The following TMEM232 variants were observed in gnomAD, a reference collection of about 807,000 sequenced individuals.
TMEM232 encodes transmembrane protein 232.
Under a neutral mutation model 78.8 loss-of-function variants are expected in TMEM232, and 80 were observed. That is an observed-to-expected ratio of 1.01 (90% CI 0.85 to 1.22). The LOEUF is 1.22. Among genes scored for constraint, TMEM232 ranks in the 50% most tolerant of loss-of-function variants. The pLI, the probability that TMEM232 is intolerant of heterozygous loss-of-function variation, is 0.00. For missense variants in TMEM232, 881 were observed against 742.2 expected, an observed-to-expected ratio of 1.19 and a Z score of -2.17; for synonymous variants, 297 against 254.3, an observed-to-expected ratio of 1.17 and a Z score of -1.60.
At chr5:110,565,180 C>A (rs773561742) in intron 11 of TMEM232, among the ~76,000 whole-genome samples, 1 of 151,952 alleles carries the variant, frequency 6.6e-6, no homozygotes, top group East Asian at 1.9e-4. Flanking sequence ...AATAATAAAT[C>A]ATAATCTCTA....
intron 1 of TMEM232, among the ~76,000 whole-genome samples, chr5:110,719,918 C>T (rs1797419665): frequency 6.6e-6 from 1 of 152,074 alleles, no homozygotes; most frequent in Non-Finnish European, 1.5e-5. Context: ...ATAAATTGCT[C>T]AGCAGTCTGA....
intron 5 of TMEM232, chr5:110,628,999 C>G (rs369750176): frequency 6.6e-6 from 1 of 151,870 alleles, no homozygotes; most frequent in South Asian, 2.1e-4. Context: ...TATAAACATA[C>G]ACCATTTGTA....
intron 12 of TMEM232, among the ~76,000 whole-genome samples, chr5:110,491,206 A>G (rs1561562798): frequency 6.6e-6 from 1 of 151,534 alleles, no homozygotes. Flanking sequence ...CATGGTCCAT[A>G]TGAACATAAA....
At chr5:110,514,695 A>G (rs2149481744) in intron 12 of TMEM232, among the ~76,000 whole-genome samples, 1 of 152,266 alleles carries the variant, frequency 6.6e-6, no homozygotes, top group East Asian at 1.9e-4. Flanking sequence ...GAAACAGAAC[A>G]AGACAGATTG....
intron 12 of TMEM232, among the ~76,000 whole-genome samples, chr5:110,513,580 A>G (rs1768119901): frequency 6.6e-6 from 1 of 152,148 alleles, no homozygotes. Context: ...ACAGACAAGT[A>G]TACGAAAATG....
chr5:110,727,408 G>C (rs975467802), upstream of TMEM232, among the ~76,000 whole-genome samples: 2 of 152,126 alleles, frequency 1.3e-5, no homozygotes, highest in Non-Finnish European at 2.9e-5. Context: ...TCAGGAGTTC[G>C]AGACCATCCT....
intron 13 of TMEM232, among the ~76,000 whole-genome samples, chr5:110,420,977 CAAA>C (rs10537246): frequency 7.8e-5 from 11 of 140,368 alleles, no homozygotes; most frequent in East Asian, 4.1e-4. Flanking sequence ...TATTTAAAGA[CAAA>C]AAAAAAAACA....
intron 2 of TMEM232, among the ~76,000 whole-genome samples, chr5:110,405,556 G>T (rs1232319627): frequency 2.6e-5 from 4 of 151,624 alleles, no homozygotes; most frequent in Non-Finnish European, 5.9e-5. Context: ...ATGAACTATT[G>T]TGGGAGAGAA....
intron 7 of TMEM232, among the ~76,000 whole-genome samples, chr5:110,621,517 T>C (rs1210859393): frequency 1.3e-5 from 2 of 152,338 alleles, no homozygotes; most frequent in East Asian, 3.9e-4. Context: ...TTTTCTATTT[T>C]AGTTTTCAGT....
intron 10 of TMEM232, among the ~76,000 whole-genome samples, chr5:110,571,725 G>C (rs927611005): frequency 2.0e-5 from 3 of 151,340 alleles, no homozygotes; most frequent in Non-Finnish European, 4.4e-5. Context: ...GGGCATAGTG[G>C]TGCACATCTG....
chr5:110,674,712 T>A (rs192253557), intron 1 of TMEM232, among the ~76,000 whole-genome samples: 1 of 152,206 alleles, frequency 6.6e-6, no homozygotes, highest in African/African-American at 2.4e-5. Context: ...AGACTACACA[T>A]CAGAGATTTC....
At chr5:110,611,019 G>A (rs1782208505) in intron 8 of TMEM232, among the ~76,000 whole-genome samples, 1 of 152,024 alleles carries the variant, frequency 6.6e-6, no homozygotes, top group Non-Finnish European at 1.5e-5. Flanking sequence ...CTGCAGGTGA[G>A]TAGAAGAAAA....
chr5:110,473,546 A>T (rs902353085), intron 12 of TMEM232, among the ~76,000 whole-genome samples: 1 of 151,652 alleles, frequency 6.6e-6, no homozygotes, highest in East Asian at 1.9e-4. Context: ...GAAAATAATA[A>T]ATGTATACAC....
At chr5:110,639,333 A>T (rs960548310) in intron 4 of TMEM232, among the ~76,000 whole-genome samples, 2 of 152,216 alleles carry the variant, frequency 1.3e-5, no homozygotes, top group African/African-American at 4.8e-5. Context: ...AGTATTACTT[A>T]GAATTAAATA....
rs768216843 is a variant in TMEM232, at chr5:110,667,306, C to A, written c.47G>T (p.Gly16Val). The A allele has an allele frequency of 6.5e-7, 1 of 1,540,156 alleles. No homozygotes were observed. The highest frequency in any genetic ancestry group is 1.2e-5 in the South Asian group (1 of 82,814). ...NKSPMINTCG[G>V]ISSPYHEELW... is the part of the protein sequence containing the mutation. ...CTCTTCATGATAAGGGGAAGATATGCCTCCACATGTATTAATCATAGGTGA... is the reference window on the plus strand; with the variant it reads ...CTCTTCATGATAAGGGGAAGATATGACTCCACATGTATTAATCATAGGTGA... The change falls in exon 2 of 14, where the codon GGC (glycine) becomes GTC (valine). Residue 16 changes from glycine to valine, a missense_variant. Transcript: ENST00000455884.
At chr5:110,529,331 C>T (rs556353601) in intron 11 of TMEM232, among the ~76,000 whole-genome samples, 1 of 152,158 alleles carries the variant, frequency 6.6e-6, no homozygotes, top group South Asian at 2.1e-4. Context: ...CTGCAACCTC[C>T]ATCTCCTGGG....
intron 11 of TMEM232, among the ~76,000 whole-genome samples, chr5:110,552,420 T>A (rs980654542): frequency 6.6e-6 from 1 of 152,078 alleles, no homozygotes. Context: ...TTACATTACA[T>A]GTAAATATAC....
chr5:110,719,510 G>A (rs1175433213), intron 1 of TMEM232, among the ~76,000 whole-genome samples: 1 of 151,830 alleles, frequency 6.6e-6, no homozygotes, highest in Non-Finnish European at 1.5e-5. Flanking sequence ...TCCTGTATAT[G>A]AGTCACACTT....
chr5:110,580,469 C>T (rs554287407), intron 10 of TMEM232, among the ~76,000 whole-genome samples: 2 of 151,748 alleles, frequency 1.3e-5, no homozygotes, highest in Non-Finnish European at 1.5e-5. Context: ...TGTAAGTATA[C>T]TCTATTATGC....
Sources: allele counts gnomAD v4.1 joint callset (sites outside exome capture counted in the v4.1 genomes callset), GRCh38; gene constraint gnomAD v4.1.1; transcripts MANE v1.5; gene names NCBI Gene and HGNC (gene_info 2026-07-23, HGNC 2026-07-21).